ZNF618: variants seen among roughly 807,000 people sequenced by gnomAD.
ZNF618 encodes the protein zinc finger protein 618.
A neutral mutation model predicts 103.0 loss-of-function variants in ZNF618; 34 were observed. The ratio of observed to expected loss-of-function variants is 0.33; its 90% CI spans 0.25 to 0.44. The LOEUF is 0.44. ZNF618 is among the 20% of genes least tolerant of loss of function. ZNF618 has a pLI of 1.00. For missense variants in ZNF618, 1,059 were observed against 1,295.4 expected (o/e 0.82, Z 2.80); for synonymous variants, 551 against 542.2 (o/e 1.02, Z -0.23).
intron 6 of ZNF618, 66 bp from the exon 7 acceptor site, chr9:114,007,284 C>A: frequency 7.0e-7 from 1 of 1,429,684 alleles, no homozygotes; most frequent in Non-Finnish European, 9.7e-7. Context: ...GATGATCTGG[C>A]CAGAAAAACC....
chr9:114,043,173 G>A lies in ZNF618; in HGVS notation c.1247-4720G>A, dbSNP rs377419863. On this transcript the variant is annotated intron_variant, in intron 13 of 14. Transcript: ENST00000374126. ...CCAGTTCGGGGCTATTATGAATAAC[G>A]CTGCTATGAACATTCATGTACAAGT... 8.5e-5 allele frequency among the ~76,000 whole-genome samples: 13 copies of A among 152,290 alleles called. No individual in the cohort carries two copies. In the South Asian group the frequency reaches 1.2e-3, roughly 15 times the overall value.
At chr9:113,900,784 C>G (rs1256350698) in intron 1 of ZNF618, among the ~76,000 whole-genome samples, 3 of 117,312 alleles carry the variant, frequency 2.6e-5, no homozygotes, top group African/African-American at 3.5e-5. Context: ...CTAGCACCGT[C>G]CTCTCCCGCA....
intron 4 of ZNF618, 113 bp from the exon 5 acceptor site, chr9:114,001,883 A>G (rs1841245504): frequency 1.1e-6 from 1 of 907,746 alleles, no homozygotes; most frequent in African/African-American, 1.6e-5. Flanking sequence ...GCCAGGGACC[A>G]TCTCTGCCCC....
chr9:113,972,821 C>G (rs571459785), intron 2 of ZNF618, among the ~76,000 whole-genome samples: 28 of 152,264 alleles, frequency 1.8e-4, no homozygotes, highest in African/African-American at 6.7e-4. Flanking sequence ...AACCCCAGTA[C>G]TTTGGGAGGC....
intron 5 of ZNF618, 32 bp from the exon 6 acceptor site, chr9:114,002,592 C>T: frequency 6.3e-7 from 1 of 1,596,072 alleles, no homozygotes; most frequent in Non-Finnish European, 8.5e-7. Flanking sequence ...CCCGGTAGCC[C>T]CACCCCCATC....
chr9:113,915,504 A>C (rs1265509397), intron 1 of ZNF618, among the ~76,000 whole-genome samples: 2 of 152,102 alleles, frequency 1.3e-5, no homozygotes. Context: ...GTGGGTAGTT[A>C]ATGCTGAGAT....
intron 13 of ZNF618, among the ~76,000 whole-genome samples, chr9:114,040,836 G>A (rs1845103243): frequency 6.6e-6 from 1 of 152,216 alleles, no homozygotes; most frequent in African/African-American, 2.4e-5. Flanking sequence ...AATCCTTTGG[G>A]TATATACCCA....
intron 1 of ZNF618, among the ~76,000 whole-genome samples, chr9:113,919,574 A>G (rs537481739): frequency 9.2e-5 from 14 of 152,314 alleles, no homozygotes; most frequent in Admixed American, 4.6e-4. Context: ...TAGCCTTTTC[A>G]TAGTCAGGAG....
At chr9:113,895,220 A>T (rs1324689321) in intron 1 of ZNF618, among the ~76,000 whole-genome samples, 1 of 152,058 alleles carries the variant, frequency 6.6e-6, no homozygotes, top group Non-Finnish European at 1.5e-5. Flanking sequence ...TTTGCAATGG[A>T]GGTTGAATCA....
chr9:113,974,651 T>C (rs1838318794), intron 2 of ZNF618, among the ~76,000 whole-genome samples: 2 of 152,054 alleles, frequency 1.3e-5, no homozygotes, highest in African/African-American at 4.8e-5. Flanking sequence ...GTAGCCTGCA[T>C]CCAAAAATGC....
chr9:113,925,156 T>A (rs1323299165), intron 1 of ZNF618, among the ~76,000 whole-genome samples: 1 of 152,094 alleles, frequency 6.6e-6, no homozygotes, highest in African/African-American at 2.4e-5. Flanking sequence ...TGCAGTTCTG[T>A]TTTTGCTTCA....
chr9:113,992,500 TC>T (rs1271014324), intron 3 of ZNF618, among the ~76,000 whole-genome samples: 2 of 152,184 alleles, frequency 1.3e-5, no homozygotes, highest in Non-Finnish European at 2.9e-5. Flanking sequence ...GCATTCGTTG[TC>T]CTGGTCACCG....
At chr9:113,891,602 TTTC>T (rs1433458251) in intron 1 of ZNF618, among the ~76,000 whole-genome samples, 2 of 152,196 alleles carry the variant, frequency 1.3e-5, no homozygotes, top group African/African-American at 4.8e-5. Context: ...AGCAATTCCA[TTTC>T]TGGGTATATA....
At chr9:114,034,206 G>A (rs1159341591) in intron 12 of ZNF618, among the ~76,000 whole-genome samples, 1 of 152,180 alleles carries the variant, frequency 6.6e-6, no homozygotes, top group Admixed American at 6.5e-5. Flanking sequence ...CTGCTTTGCG[G>A]AAGGGAATGA....
intron 1 of ZNF618, among the ~76,000 whole-genome samples, chr9:113,884,144 G>A (rs534383008): frequency 6.6e-6 from 1 of 152,264 alleles, no homozygotes; most frequent in African/African-American, 2.4e-5. Context: ...CCCGTGGGAG[G>A]GAGGTGAAGT....
At chr9:114,028,593 G>A in intron 10 of ZNF618, 140 bp from the exon 11 acceptor site, 1 of 1,250,656 alleles carries the variant, frequency 8.0e-7, no homozygotes, top group Non-Finnish European at 1.1e-6. Context: ...TGAGTTAAGT[G>A]AGAATCCTTG....
At position 113,995,475 on chromosome 9, in the gene ZNF618, G is replaced by A. The variant is rs1379617457; in HGVS notation, c.338-2784G>A. On this transcript the variant is annotated intron_variant, in intron 3 of 14. Transcript: ENST00000374126. The stretch of plus-strand genomic sequence containing the variant: ...TTAATATTTCTTATTGCTAGAAGGA[G>A]ACAAGATTCGACATTAATTTAATTC... 2.6e-5 allele frequency among the ~76,000 whole-genome samples: 4 copies of A among 152,208 alleles called. No homozygotes were observed. In the East Asian group the frequency reaches 7.7e-4, roughly 29 times the overall value.
At chr9:114,039,928 T>C (rs1339220512) in intron 13 of ZNF618, among the ~76,000 whole-genome samples, 1 of 150,650 alleles carries the variant, frequency 6.6e-6, no homozygotes, top group Admixed American at 6.6e-5. Context: ...CCTTTACAAA[T>C]GTACATGTGG....
Position 114,050,108 on chromosome 9 carries a change from C to G in ZNF618, c.2806C>G (p.Arg936Gly). The change falls in exon 15 of 15, where the codon CGG becomes GGG. Residue 936 changes from arginine to glycine, a missense_variant. By Grantham distance (125) the Arg-to-Gly change is moderately radical. Around this residue, in one of 6 missense-constraint regions of ZNF618, gnomAD observed 156 missense variants for 197.1 expected, o/e 0.79. Coordinates refer to ENST00000374126, the MANE Select transcript of ZNF618 (RefSeq NM_001318042.2). ...ACAAGCGCTTCTAATCAAACGGAGG[C>G]GGCTGCTCAGTCCAGAAGATATGAA... The part of the protein sequence containing the change: ...CEQALLIKRR[R>G]LLSPEDMNKL... 1.2e-6 allele frequency: 2 copies of G among 1,607,100 alleles called. No individual in the cohort carries two copies. Among genetic ancestry groups the G allele is most frequent in the Non-Finnish European group, 1.7e-6 (2 of 1,177,492 alleles).
Sources: allele counts gnomAD v4.1 joint callset (sites outside exome capture counted in the v4.1 genomes callset), GRCh38; gene constraint gnomAD v4.1.1; regional missense constraint gnomAD v4.1.1; transcripts MANE v1.5; gene names NCBI Gene and HGNC (gene_info 2026-07-23, HGNC 2026-07-21).